GPC5: variants seen among roughly 807,000 people sequenced by gnomAD.
GPC5 encodes the protein glypican-5.
In GPC5, 47 loss-of-function variants were observed where a neutral mutation model predicts 53.9. The observed-to-expected ratio is 0.87, with a 90% CI of 0.69 to 1.11. The LOEUF (loss-of-function observed/expected upper bound fraction) is 1.11. GPC5 is among the 50% of genes most tolerant of loss of function. The pLI, the probability that GPC5 is intolerant of heterozygous loss-of-function variation, is 0.00. For synonymous variants in GPC5, 286 were observed against 263.3 expected (o/e 1.09, Z -0.84); for missense variants, 748 against 713.1 (o/e 1.05, Z -0.56).
chr13:91,844,487 C>A (rs1156345516), intron 5 of GPC5, among the ~76,000 whole-genome samples: 1 of 152,108 alleles, frequency 6.6e-6, no homozygotes, highest in Non-Finnish European at 1.5e-5. Context: ...CCCGAGTCTT[C>A]TCTTGAGCCA....
At chr13:91,520,034 C>G (rs1169377739) in intron 2 of GPC5, among the ~76,000 whole-genome samples, 1 of 152,024 alleles carries the variant, frequency 6.6e-6, no homozygotes, top group African/African-American at 2.4e-5. Context: ...GATATGTTGA[C>G]TTACTGGGGA....
intron 7 of GPC5, among the ~76,000 whole-genome samples, chr13:92,498,355 C>T (rs1302840448): frequency 6.6e-6 from 1 of 152,072 alleles, no homozygotes; most frequent in Non-Finnish European, 1.5e-5. Context: ...CACGCATGCT[C>T]ACTTGAGGCA....
chr13:91,872,558 A>G (rs151174485), intron 5 of GPC5, among the ~76,000 whole-genome samples: 259 of 152,278 alleles, frequency 1.7e-3, no homozygotes, highest in African/African-American at 6.0e-3. Flanking sequence ...AGGTGTTAAT[A>G]TGTGCATCCA....
chr13:91,687,741 C>A (rs116598877), intron 2 of GPC5, among the ~76,000 whole-genome samples: 2,446 of 152,084 alleles, frequency 0.016, 55 homozygotes, highest in African/African-American at 0.053. Flanking sequence ...AACACACACA[C>A]AAAAAATTTT....
chr13:92,543,882 G>A (rs1350900659), intron 7 of GPC5, among the ~76,000 whole-genome samples: 1 of 151,838 alleles, frequency 6.6e-6, no homozygotes, highest in Non-Finnish European at 1.5e-5. Context: ...TGCATCTCAT[G>A]TGTAGTTTAG....
At chr13:92,119,303 G>A (rs2041625942) in intron 6 of GPC5, among the ~76,000 whole-genome samples, 1 of 151,360 alleles carries the variant, frequency 6.6e-6, no homozygotes, top group Non-Finnish European at 1.5e-5. Flanking sequence ...CAACATGTGG[G>A]AATTATGGGA....
At chr13:92,142,978 T>C (rs908894547) in intron 6 of GPC5, among the ~76,000 whole-genome samples, 2 of 152,146 alleles carry the variant, frequency 1.3e-5, no homozygotes, top group Non-Finnish European at 2.9e-5. Flanking sequence ...ATTTAAACAA[T>C]ATTGTACTAG....
chr13:92,138,940 T>C (rs548748294), intron 6 of GPC5, among the ~76,000 whole-genome samples: 1 of 152,218 alleles, frequency 6.6e-6, no homozygotes, highest in Non-Finnish European at 1.5e-5. Flanking sequence ...ACAGACTTTT[T>C]GCAAAAATCC....
chr13:92,445,578 T>A (rs1445349295), intron 7 of GPC5, among the ~76,000 whole-genome samples: 8 of 149,482 alleles, frequency 5.4e-5, no homozygotes, highest in African/African-American at 1.2e-4. Context: ...TGGTTTTTTG[T>A]TCTTGTGATA....
At chr13:92,847,356 T>C (rs1459800065) in intron 7 of GPC5, among the ~76,000 whole-genome samples, 2 of 152,306 alleles carry the variant, frequency 1.3e-5, no homozygotes, top group Admixed American at 1.3e-4. Context: ...TTTGGATTTG[T>C]GTCCTCGCCC....
At chr13:92,469,804 G>A (rs1878840434) in intron 7 of GPC5, among the ~76,000 whole-genome samples, 1 of 152,088 alleles carries the variant, frequency 6.6e-6, no homozygotes, top group Non-Finnish European at 1.5e-5. Context: ...AACAATAAAA[G>A]TAGGGGTTCC....
At chr13:92,530,554 C>T (rs910497484) in intron 7 of GPC5, among the ~76,000 whole-genome samples, 13 of 152,118 alleles carry the variant, frequency 8.5e-5, no homozygotes, top group African/African-American at 2.9e-4. Flanking sequence ...GAACTCCCTC[C>T]TGTGGCTTCA....
intron 2 of GPC5, among the ~76,000 whole-genome samples, chr13:91,451,621 T>TA (rs998979555): frequency 2.3e-4 from 4 of 17,278 alleles, no homozygotes; most frequent in African/African-American, 1.8e-3. Flanking sequence ...TGTTTGTTTG[T>TA]TTTTTTTTTT....
chr13:92,821,446 A>C (rs1276634001), intron 7 of GPC5, among the ~76,000 whole-genome samples: 1 of 152,122 alleles, frequency 6.6e-6, no homozygotes, highest in Non-Finnish European at 1.5e-5. Context: ...AATGGTCTCC[A>C]GTCCTCTTTT....
chr13:91,544,868 C>A (rs1476289689), intron 2 of GPC5, among the ~76,000 whole-genome samples: 1 of 152,154 alleles, frequency 6.6e-6, no homozygotes, highest in African/African-American at 2.4e-5. Context: ...AAGACGTGGG[C>A]CTGGATTGCA....
At chr13:92,613,345 TA>T (rs1884514065) in intron 7 of GPC5, among the ~76,000 whole-genome samples, 3 of 103,380 alleles carry the variant, frequency 2.9e-5, no homozygotes, top group Non-Finnish European at 5.3e-5. Flanking sequence ...AATATATTTA[TA>T]TATAAATATA....
intron 2 of GPC5, among the ~76,000 whole-genome samples, chr13:91,689,144 A>G (rs536822): frequency 0.2 from 28,776 of 140,476 alleles, 3,829 homozygotes; most frequent in African/African-American, 0.37. Flanking sequence ...ACTGCAGCCT[A>G]GGTGATGGAG....
chr13:91,407,772 G>T (rs1001541034), intron 1 of GPC5, among the ~76,000 whole-genome samples: 1 of 152,070 alleles, frequency 6.6e-6, no homozygotes, highest in African/African-American at 2.4e-5. Flanking sequence ...ATCAACCAGA[G>T]GGACCACAGT....
chr13:92,643,050 T>G (rs12871899), intron 7 of GPC5, among the ~76,000 whole-genome samples: 1 of 151,952 alleles, frequency 6.6e-6, no homozygotes, highest in Non-Finnish European at 1.5e-5. Flanking sequence ...TCATGTCCTT[T>G]GCCCACTTTT....
Sources: allele counts gnomAD v4.1 joint callset (sites outside exome capture counted in the v4.1 genomes callset), GRCh38; gene constraint gnomAD v4.1.1; transcripts MANE v1.5; gene names NCBI Gene and HGNC (gene_info 2026-07-23, HGNC 2026-07-21).